BMP1: variants seen among roughly 807,000 people sequenced by gnomAD.
BMP1 encodes mammalian tolloid protein.
In BMP1, 63 loss-of-function variants were observed where a neutral mutation model predicts 116.8. The ratio of observed to expected loss-of-function variants is 0.54; its 90% CI spans 0.44 to 0.67. The LOEUF is 0.67. BMP1 is among the 30% of genes least tolerant of loss of function. The pLI, the probability that BMP1 is intolerant of heterozygous loss-of-function variation, is 0.00. For missense variants in BMP1, 1,183 were observed against 1,358.9 expected, an observed-to-expected ratio of 0.87 and a Z score of 2.04; for synonymous variants, 536 against 533.4, an observed-to-expected ratio of 1.00 and a Z score of -0.07.
intron 15 of BMP1, chr8:22,201,130 C>G (rs1438955462): frequency 6.2e-7 from 1 of 1,613,436 alleles, no homozygotes; most frequent in East Asian, 2.2e-5. Context: ...AAGAGGCCAG[C>G]TCTGCAGCCC....
At chr8:22,191,250 G>A (rs1030934871) in intron 8 of BMP1, among the ~76,000 whole-genome samples, 2 of 152,180 alleles carry the variant, frequency 1.3e-5, no homozygotes, top group Non-Finnish European at 2.9e-5. Context: ...AGGTTGCGTG[G>A]TTTGCTTGAT....
Position 22,180,433 on chromosome 8 carries a change from T to G in BMP1, c.1027T>G (p.Ser343Ala), listed in dbSNP as rs745571172. Residue 343 changes from serine to alanine, a missense_variant, in exon 8 of 20, where the codon TCT becomes GCT. Physicochemically the swap from Ser to Ala is moderately conservative, Grantham distance 99 (BLOSUM62 1). This residue lies in a region of BMP1 where 956 missense variants were observed against 1,135.2 expected (regional missense o/e 0.84). Coordinates refer to ENST00000306385, the MANE Select transcript of BMP1 (RefSeq NM_006129.5). ...FSSPEYPNGY[S>A]AHMHCVWRIS... is the part of the protein sequence containing the mutation. The stretch of plus-strand genomic sequence containing the variant: ...CTCCCCTGAATACCCCAATGGCTAC[T>G]CTGCTCACATGCACTGCGTGTGGCG... The G allele has an allele frequency of 6.2e-7, 1 of 1,614,098 alleles. No individual in the cohort carries two copies.
At chr8:22,167,628 C>T (rs1352303176) in intron 1 of BMP1, among the ~76,000 whole-genome samples, 1 of 152,176 alleles carries the variant, frequency 6.6e-6, no homozygotes, top group Non-Finnish European at 1.5e-5. Flanking sequence ...GTGGGGCTGG[C>T]TGAGTTGGAG....
chr8:22,199,207 C>T (rs144534869), intron 15 of BMP1: 1 of 1,367,594 alleles, frequency 7.3e-7, no homozygotes, highest in South Asian at 1.1e-5. Flanking sequence ...AGGACCCCCA[C>T]TGGGGGCATC....
At position 22,176,609 on chromosome 8, in the gene BMP1, T is replaced by C. The variant is rs1185636818; in HGVS notation, c.510T>C (p.Thr170=). 2 of 1,614,180 alleles carry C rather than the reference T, an allele frequency of 1.2e-6. No individual in the cohort carries two copies. The highest frequency in any genetic ancestry group is 1.7e-6 in the Non-Finnish European group (2 of 1,180,006). The change falls in exon 4 of 20, where the codon ACT becomes ACC. Residue 170 remains threonine (T), a synonymous_variant. Transcript: ENST00000306385. ...CCTGTGTCACCTTCCTGGAGCGCAC[T>C]GACGAGGACAGCTATATTGTGTTCA... ...KHTCVTFLER[T]DEDSYIVFTY... is the part of the protein sequence containing the mutation.
At chr8:22,181,996 A>T (rs1244792100) in intron 8 of BMP1, among the ~76,000 whole-genome samples, 1 of 152,152 alleles carries the variant, frequency 6.6e-6, no homozygotes, top group Non-Finnish European at 1.5e-5. Context: ...GGCTACTCCC[A>T]TCACTTCTTA....
intron 2 of BMP1, among the ~76,000 whole-genome samples, chr8:22,175,395 C>A (rs888054695): frequency 6.6e-6 from 1 of 152,150 alleles, no homozygotes; most frequent in South Asian, 2.1e-4. Context: ...AATGAGTACA[C>A]CTTTGTTCTC....
rs756682570 is a variant in BMP1, at chr8:22,177,898, C to G, written c.777C>G (p.Ser259=). The G allele has an allele frequency of 2.7e-5, 43 of 1,613,664 alleles. No individual in the cohort carries two copies. Among genetic ancestry groups the G allele is most frequent in the Non-Finnish European group, 3.6e-5 (42 of 1,179,786 alleles). The part of the protein sequence containing the change: ...FLKMEPQEVE[S]LGETYDFDSI... ...AGATGGAGCCTCAGGAGGTGGAGTCCCTGGGGGAGACCTATGACTTCGACA... is the reference window on the plus strand; with the variant it reads ...AGATGGAGCCTCAGGAGGTGGAGTCGCTGGGGGAGACCTATGACTTCGACA... Residue 259 remains serine (S), a synonymous_variant, in exon 6 of 20, where the codon TCC becomes TCG. Coordinates refer to ENST00000306385, the MANE Select transcript of BMP1 (RefSeq NM_006129.5).
intron 8 of BMP1, among the ~76,000 whole-genome samples, chr8:22,181,139 G>A (rs1004957142): frequency 1.3e-5 from 2 of 152,152 alleles, no homozygotes; most frequent in Non-Finnish European, 2.9e-5. Context: ...CTGTGGGCCT[G>A]ATTTTCTGTG....
At chr8:22,167,230 C>A (rs73225838) in intron 1 of BMP1, among the ~76,000 whole-genome samples, 8,498 of 152,126 alleles carry the variant, frequency 0.056, 398 homozygotes, top group Admixed American at 0.1. Flanking sequence ...TGTGCTAGGG[C>A]CTGGAATGGA....
At chr8:22,198,800 C>A in intron 15 of BMP1, 1 of 404,296 alleles carries the variant, frequency 2.5e-6, no homozygotes, top group Non-Finnish European at 3.8e-6. Context: ...GCCAGCCACC[C>A]TGCTCTGCTT....
At chr8:22,183,405 G>C (rs1283549452) in intron 8 of BMP1, among the ~76,000 whole-genome samples, 3 of 152,146 alleles carry the variant, frequency 2.0e-5, no homozygotes, top group Non-Finnish European at 4.4e-5. Flanking sequence ...GGCAGAGCGA[G>C]ATCTTGTCTC....
intron 15 of BMP1, chr8:22,201,352 TC>T: frequency 6.7e-7 from 1 of 1,484,572 alleles, no homozygotes; most frequent in Non-Finnish European, 8.9e-7. Flanking sequence ...TGCTCTCTTC[TC>T]CCCACTGTGC....
At position 22,194,767 on chromosome 8, in the gene BMP1, G is replaced by A. The variant is rs755275447; in HGVS notation, c.1487G>A (p.Arg496His). The A allele has an allele frequency of 1.4e-5, 23 of 1,613,150 alleles. No homozygotes were observed. The highest frequency in any genetic ancestry group is 6.7e-5 in the East Asian group (3 of 44,878). Residue 496 changes from arginine (R) to histidine (H), a missense_variant, in exon 12 of 20, where the codon CGC (arginine) becomes CAC (histidine). Around this residue, in one of 4 missense-constraint regions of BMP1, gnomAD observed 956 missense variants for 1,135.2 expected, o/e 0.84. Transcript: ENST00000306385. This position sits in a 1 kb window ranked among gnomAD's most constrained non-coding sequence, Gnocchi z 4.5. The part of the protein sequence containing the change: ...DSCAYDYLEV[R>H]DGHSESSTLI... ...TGTGCCTACGACTATCTGGAGGTGC[G>A]CGACGGGCACAGTGAGAGCAGCACC...
In BMP1 at chr8:22,194,263, A is replaced by C; in HGVS notation, c.1297+89A>C. ...TCCCTCCTGGCACCTGAGGGGCAAG[A>C]TTGTGGGTTCCCAAGGGAAGAAGCA... On this transcript the variant is annotated intron_variant, in intron 10 of 19. Transcript: ENST00000306385. The surrounding 1 kb of genome is among the most constrained non-coding windows in gnomAD (Gnocchi z 4.5). The C allele has an allele frequency of 6.7e-7, 1 of 1,487,594 alleles. No homozygotes were observed. The highest frequency in any genetic ancestry group is 9.4e-7 in the Non-Finnish European group (1 of 1,069,212). The allele number at this position is 1,487,594 out of a possible 1,614,324, so 92.1% of individuals were successfully genotyped here. A position where few individuals can be genotyped will look rare whatever the true frequency, so the allele number is the denominator to read the frequency against.
chr8:22,201,083 C>CT, intron 15 of BMP1: 1 of 1,604,076 alleles, frequency 6.2e-7, no homozygotes, highest in Non-Finnish European at 8.5e-7. Flanking sequence ...ACCCCCACCC[C>CT]TTGGTCCCTT....
chr8:22,185,833 T>C (rs1164336796), intron 8 of BMP1, among the ~76,000 whole-genome samples: 1 of 143,372 alleles, frequency 7.0e-6, no homozygotes, highest in Non-Finnish European at 1.5e-5. Flanking sequence ...TCTTTCTTTT[T>C]TTTTTTTTTT....
At position 22,194,013 on chromosome 8, in the gene BMP1, G is replaced by A. The variant is rs577385714; in HGVS notation, c.1181-45G>A. Reference sequence around the variant, plus strand: ...TGGAGAGGTGGGGCCTCTATAGGGGGTGTCCTCAGGGTTCACCACTCTTCC... The same window carrying A: ...TGGAGAGGTGGGGCCTCTATAGGGGATGTCCTCAGGGTTCACCACTCTTCC... On this transcript the variant is annotated intron_variant, in intron 9 of 19. Transcript: ENST00000306385. This position sits in a 1 kb window ranked among gnomAD's most constrained non-coding sequence, Gnocchi z 4.5. 1.3e-6 allele frequency: 2 copies of A among 1,524,970 alleles called. No individual in the cohort carries two copies. The highest frequency in any genetic ancestry group is 1.7e-5 in the Admixed American group (1 of 59,766). The allele number at this position is 1,524,970 out of a possible 1,614,324, so 94.5% of individuals were successfully genotyped here. A position where few individuals can be genotyped will look rare whatever the true frequency, so the allele number is the denominator to read the frequency against.
At chr8:22,196,536 C>G in intron 13 of BMP1, 144 bp from the exon 14 acceptor site, 1 of 1,297,050 alleles carries the variant, frequency 7.7e-7, no homozygotes, top group Non-Finnish European at 1.1e-6. Flanking sequence ...TCCCGTCCGC[C>G]CCAGAGGGAC....
Sources: allele counts gnomAD v4.1 joint callset (sites outside exome capture counted in the v4.1 genomes callset), GRCh38; gene constraint gnomAD v4.1.1; regional missense constraint gnomAD v4.1.1; non-coding constraint Gnocchi (gnomAD v3.1); transcripts MANE v1.5; gene names NCBI Gene and HGNC (gene_info 2026-07-23, HGNC 2026-07-21).